MYH15: variants seen among roughly 807,000 people sequenced by gnomAD.
MYH15 encodes myosin-15.
In MYH15, 227 loss-of-function variants were observed where a neutral mutation model predicts 240.5. That is an observed-to-expected ratio of 0.94 (90% confidence interval 0.85 to 1.05). The LOEUF (loss-of-function observed/expected upper bound fraction) is 1.05, where lower values mean the gene tolerates loss of function less well. Ranked by LOEUF, MYH15 falls within the 50% of genes least tolerant of loss-of-function variation. MYH15 has a pLI of 0.00. For synonymous variants in MYH15, 785 were observed against 796.7 expected, an observed-to-expected ratio of 0.99 and a Z score of 0.25; for missense variants, 2,217 against 2,247.5, an observed-to-expected ratio of 0.99 and a Z score of 0.27.
the MYH15 span, among the ~76,000 whole-genome samples, chr3:108,544,511 A>G: frequency 6.6e-6 from 1 of 152,144 alleles, no homozygotes; most frequent in Admixed American, 6.5e-5. Flanking sequence ...CAATAATCCA[A>G]GTCTCTTATT....
the MYH15 span, among the ~76,000 whole-genome samples, chr3:108,545,688 TACACATAC>T: frequency 2.2e-5 from 3 of 137,726 alleles, no homozygotes; most frequent in East Asian, 2.6e-4. Context: ...GTTTCTAATA[TACACATAC>T]ACACACACAC....
At chr3:108,547,319 A>T in the MYH15 span, among the ~76,000 whole-genome samples, 3 of 152,104 alleles carry the variant, frequency 2.0e-5, no homozygotes, top group African/African-American at 4.8e-5. Context: ...AAAGTTAATT[A>T]TCTAGAATGT....
chr3:108,512,441 GTCC>G (rs1362796472), upstream of MYH15, among the ~76,000 whole-genome samples: 1 of 152,116 alleles, frequency 6.6e-6, no homozygotes, highest in Non-Finnish European at 1.5e-5. Context: ...ATTTGTCTGG[GTCC>G]TCCTCCTCTC....
At chr3:108,532,372 C>CAGG (rs1354107251), upstream of MYH15, among the ~76,000 whole-genome samples, 2 of 152,220 alleles carry the variant, frequency 1.3e-5, no homozygotes, top group Non-Finnish European at 1.5e-5. Flanking sequence ...AGAAGGAACT[C>CAGG]CTCCTGTTTG....
intron 21 of MYH15, among the ~76,000 whole-genome samples, chr3:108,446,250 T>C (rs1451015973): frequency 3.3e-5 from 5 of 152,146 alleles, no homozygotes; most frequent in South Asian, 4.1e-4. Flanking sequence ...ACCATGGACT[T>C]AGACACCAAG....
At chr3:108,496,801 CAA>C (rs71673665) in intron 6 of MYH15, among the ~76,000 whole-genome samples, 29,771 of 122,888 alleles carry the variant, frequency 0.24, 3,923 homozygotes, top group Non-Finnish European at 0.34. Flanking sequence ...TAATGCGCAC[CAA>C]AAAAAAAAAA....
At chr3:108,405,563 G>C in intron 32 of MYH15, 110 bp from the exon 33 acceptor site, 1 of 549,696 alleles carries the variant, frequency 1.8e-6, no homozygotes, top group Non-Finnish European at 3.0e-6. Flanking sequence ...TACTGGGAGA[G>C]ATATAGGTTC....
At position 108,414,364 on chromosome 3, in the gene MYH15, TGCTC is replaced by T. The variant is rs746980288; in HGVS notation, c.4009_4012del (p.Glu1337SerfsTer28). The T allele has an allele frequency of 2.8e-5, 45 of 1,614,208 alleles. No individual in the cohort carries two copies. The East Asian group carries it at 1.0e-3, about 36-fold the overall frequency. Reference sequence around the variant, plus strand: ...CTTGACCTCTTGTTCTTCCTCATACTGCTCTCGTAGAAGGTCACAGTCACGCTGA... The same window carrying T: ...CTTGACCTCTTGTTCTTCCTCATACTTCGTAGAAGGTCACAGTCACGCTGA... On this transcript the variant is annotated frameshift_variant, in exon 30 of 41. Transcript: ENST00000693548. LOFTEE classifies it high-confidence loss of function.
the MYH15 span, among the ~76,000 whole-genome samples, chr3:108,544,904 A>T: frequency 6.6e-6 from 1 of 152,174 alleles, no homozygotes; most frequent in African/African-American, 2.4e-5. Flanking sequence ...AAAACTTTTA[A>T]ATCTGTCAAA....
At chr3:108,435,976 G>C (rs115535968) in intron 25 of MYH15, among the ~76,000 whole-genome samples, 4,213 of 151,886 alleles carry the variant, frequency 0.028, 174 homozygotes, top group African/African-American at 0.091. Flanking sequence ...TTTTGACATT[G>C]AGTTCATTAG....
chr3:108,440,869 T>C, intron 23 of MYH15, 149 bp downstream of exon 23: 1 of 893,924 alleles, frequency 1.1e-6, no homozygotes, highest in Non-Finnish European at 1.8e-6. Flanking sequence ...TCAGACTCTA[T>C]ATTTTGTGCC....
At chr3:108,495,938 C>G (rs2083386264) in intron 6 of MYH15, 66 bp from the exon 7 acceptor site, 1 of 1,231,622 alleles carries the variant, frequency 8.1e-7, no homozygotes, top group South Asian at 1.4e-5. Flanking sequence ...TGCGGCAAGC[C>G]CTCCATCTCC....
Position 108,381,429 on chromosome 3 carries a change from G to A in MYH15, c.*116C>T. The A allele has an allele frequency of 8.4e-7, 1 of 1,195,640 alleles. No individual in the cohort carries two copies. Among genetic ancestry groups the A allele is most frequent in the Non-Finnish European group, 1.2e-6 (1 of 801,368 alleles). 74.1% of individuals were successfully genotyped at this position (1,195,640 alleles called of 1,614,324 possible). A position where few individuals can be genotyped will look rare whatever the true frequency, so the allele number is the denominator to read the frequency against. ...TTTCTAATTGCCTTGTTTATATGGT[G>A]TGAAAAGCAATTTAAACATGTTTTT... On this transcript the variant is annotated 3_prime_UTR_variant, in exon 41 of 41. Coordinates refer to ENST00000693548, the MANE Select transcript of MYH15 (RefSeq NM_014981.3).
the MYH15 span, among the ~76,000 whole-genome samples, chr3:108,535,998 T>A: frequency 2.0e-5 from 3 of 152,300 alleles, no homozygotes; most frequent in Middle Eastern, 3.4e-3. Context: ...CAGGGCGAGG[T>A]GGCTCATGTC....
chr3:108,466,767 C>T (rs1462205377), intron 14 of MYH15, among the ~76,000 whole-genome samples: 1 of 152,200 alleles, frequency 6.6e-6, no homozygotes, highest in Admixed American at 6.5e-5. Flanking sequence ...GCATAACCCT[C>T]TCATGGCCCC....
intron 9 of MYH15, among the ~76,000 whole-genome samples, chr3:108,491,005 A>C (rs2083341529): frequency 1.3e-5 from 2 of 152,078 alleles, no homozygotes; most frequent in East Asian, 3.9e-4. Context: ...CTCCTGCCTC[A>C]GTCTCCTGAG....
chr3:108,442,584 G>C (rs193066786), intron 22 of MYH15, among the ~76,000 whole-genome samples: 22 of 152,102 alleles, frequency 1.4e-4, no homozygotes, highest in African/African-American at 4.8e-4. Flanking sequence ...CAGTCCAATC[G>C]ACCATCATTG....
intron 10 of MYH15, among the ~76,000 whole-genome samples, chr3:108,486,146 G>A (rs1279670796): frequency 1.3e-5 from 2 of 152,138 alleles, no homozygotes; most frequent in African/African-American, 2.4e-5. Context: ...GCTGCAAATA[G>A]ATAAAAACAG....
At chr3:108,472,573 A>G (rs1459937721) in intron 12 of MYH15, among the ~76,000 whole-genome samples, 1 of 152,258 alleles carries the variant, frequency 6.6e-6, no homozygotes, top group Non-Finnish European at 1.5e-5. Context: ...AACACTGAAG[A>G]AATCACTCTG....
Sources: allele counts gnomAD v4.1 joint callset (sites outside exome capture counted in the v4.1 genomes callset), GRCh38; gene constraint gnomAD v4.1.1; transcripts MANE v1.5; gene names NCBI Gene and HGNC (gene_info 2026-07-23, HGNC 2026-07-21).